The following AKAP6 variants were observed in gnomAD, a reference collection of about 807,000 sequenced individuals.
AKAP6 encodes A-kinase anchor protein 6.
AKAP6 carries 58 observed loss-of-function variants against 188.5 expected under a neutral mutation model. That is an observed-to-expected ratio of 0.31 (90% confidence interval 0.25 to 0.38). The LOEUF (loss-of-function observed/expected upper bound fraction) is 0.38, where lower values mean the gene tolerates loss of function less well. Among genes scored for constraint, AKAP6 ranks in the 10% least tolerant of loss-of-function variants. AKAP6 has a pLI of 1.00. For synonymous variants in AKAP6, 989 were observed against 998.6 expected (o/e 0.99, Z 0.18); for missense variants, 2,710 against 2,740.0 (o/e 0.99, Z 0.24).
At chr14:32,815,484 G>T (rs938215974) in intron 12 of AKAP6, among the ~76,000 whole-genome samples, 3 of 152,260 alleles carry the variant, frequency 2.0e-5, no homozygotes, top group African/African-American at 7.2e-5. Flanking sequence ...TGAGCTATGG[G>T]CCTTGCTGAG....
At chr14:32,396,878 G>A (rs1052614918) in intron 1 of AKAP6, among the ~76,000 whole-genome samples, 2 of 152,162 alleles carry the variant, frequency 1.3e-5, no homozygotes, top group Admixed American at 1.3e-4. Flanking sequence ...CACTTTTTAA[G>A]CTAGTTTGAT....
In AKAP6 at chr14:32,789,332, A is replaced by C. The variant is rs76964685; in HGVS notation, c.3588+15439A>C. 6.5e-3 allele frequency among the ~76,000 whole-genome samples: 991 copies of C among 152,340 alleles called. 1 individual carries two copies. Among genetic ancestry groups the C allele is most frequent in the Non-Finnish European group, 9.6e-3 (655 of 68,042 alleles). On this transcript the variant is annotated intron_variant, in intron 12 of 13. Transcript: ENST00000280979. The stretch of plus-strand genomic sequence containing the variant: ...GAGAATACAAACTGTCTGGACGCGG[A>C]AGGGTCTCTCCCAACGCAACACACC...
chr14:32,714,033 C>A (rs945989548), intron 9 of AKAP6, among the ~76,000 whole-genome samples: 5 of 151,936 alleles, frequency 3.3e-5, no homozygotes, highest in Non-Finnish European at 7.4e-5. Context: ...TACTTAGAGG[C>A]CATTGTAGGA....
intron 13 of AKAP6, among the ~76,000 whole-genome samples, chr14:32,827,715 T>C (rs2034709205): frequency 6.6e-6 from 1 of 152,244 alleles, no homozygotes; most frequent in South Asian, 2.1e-4. Context: ...AAGCACATAA[T>C]GTATGTCTGG....
At chr14:32,521,419 A>T (rs2139060665) in intron 2 of AKAP6, among the ~76,000 whole-genome samples, 1 of 152,292 alleles carries the variant, frequency 6.6e-6, no homozygotes, top group African/African-American at 2.4e-5. Flanking sequence ...AGATGACATG[A>T]TTTTATATTT....
chr14:32,337,955 G>A (rs1019972055), intron 1 of AKAP6, among the ~76,000 whole-genome samples: 11 of 152,088 alleles, frequency 7.2e-5, no homozygotes, highest in Admixed American at 2.0e-4. Flanking sequence ...AGAAGGTCCA[G>A]GCTACATTGA....
chr14:32,383,333 G>T (rs2138559279), intron 1 of AKAP6, among the ~76,000 whole-genome samples: 1 of 152,144 alleles, frequency 6.6e-6, no homozygotes, highest in East Asian at 1.9e-4. Context: ...AACAAGACAG[G>T]ACTGTACCTG....
At chr14:32,368,885 A>C (rs1214310733) in intron 1 of AKAP6, among the ~76,000 whole-genome samples, 2 of 151,784 alleles carry the variant, frequency 1.3e-5, no homozygotes, top group Non-Finnish European at 2.9e-5. Context: ...AGAAGAAAAA[A>C]AAAACAAAAA....
rs374869530 is a variant in AKAP6, at chr14:32,555,595, C to T, written c.2346+8596C>T. 2.6e-5 allele frequency among the ~76,000 whole-genome samples: 4 copies of T among 152,240 alleles called. No individual in the cohort carries two copies. In the East Asian group the frequency reaches 7.7e-4, roughly 29 times the overall value. ...CTCTATACCCATTAAATAACAACTC[C>T]CCTTTCCCTCTCCCTGCTGTCCTCG... is the stretch of plus-strand genomic sequence containing the variant. On this transcript the variant is annotated intron_variant, in intron 4 of 13. Transcript: ENST00000280979.
intron 12 of AKAP6, among the ~76,000 whole-genome samples, chr14:32,784,334 T>G (rs1318413984): frequency 6.6e-6 from 1 of 152,182 alleles, no homozygotes; most frequent in African/African-American, 2.4e-5. Context: ...AGGACACTTT[T>G]CCAGCAGTGA....
At chr14:32,607,453 C>T (rs7157533) in intron 7 of AKAP6, among the ~76,000 whole-genome samples, 96,187 of 152,012 alleles carry the variant, frequency 0.63, 31,518 homozygotes, top group East Asian at 0.94. Flanking sequence ...TCTAGTAAGA[C>T]TAAATTGTGC....
chr14:32,510,424 A>ATGTGTG (rs1566546602), intron 2 of AKAP6, among the ~76,000 whole-genome samples: 1 of 83,704 alleles, frequency 1.2e-5, no homozygotes, highest in Non-Finnish European at 2.3e-5. Context: ...GTATATATAT[A>ATGTGTG]CATATATATA....
At chr14:32,345,265 G>A (rs1887031499) in intron 1 of AKAP6, among the ~76,000 whole-genome samples, 1 of 152,170 alleles carries the variant, frequency 6.6e-6, no homozygotes, top group African/African-American at 2.4e-5. Context: ...GTGTTAAAAT[G>A]CTGTATCTAG....
intron 12 of AKAP6, among the ~76,000 whole-genome samples, chr14:32,817,503 G>C (rs1460517937): frequency 2.8e-4 from 42 of 151,696 alleles, no homozygotes; most frequent in Non-Finnish European, 4.9e-4. Context: ...GTGTGTGTGT[G>C]TGTGTGTGTG....
At chr14:32,711,133 A>G (rs1212873732) in intron 9 of AKAP6, among the ~76,000 whole-genome samples, 1 of 152,094 alleles carries the variant, frequency 6.6e-6, no homozygotes, top group Non-Finnish European at 1.5e-5. Flanking sequence ...TCAATTTTCT[A>G]TCTGCTATAT....
At chr14:32,748,764 G>A (rs962250935) in intron 11 of AKAP6, among the ~76,000 whole-genome samples, 2 of 152,164 alleles carry the variant, frequency 1.3e-5, no homozygotes, top group Non-Finnish European at 2.9e-5. Context: ...TAAAAACCAA[G>A]TCCCAGATTA....
intron 11 of AKAP6, among the ~76,000 whole-genome samples, chr14:32,743,051 TAGTATTG>T (rs1185376813): frequency 2.1e-4 from 32 of 152,252 alleles, no homozygotes; most frequent in African/African-American, 7.0e-4. Flanking sequence ...CTGGGTACTC[TAGTATTG>T]AGTGCATACA....
Position 32,499,087 on chromosome 14 carries a change from G to T in AKAP6, c.325-36467G>T, listed in dbSNP as rs149971009. On this transcript the variant is annotated intron_variant, in intron 2 of 13. Transcript: ENST00000280979. ...TGAACAAATAAATGAATGAATATTT[G>T]CCCCTGGTACCATGGAGGATATAGG... Among the ~76,000 whole-genome samples, 632 of 151,974 alleles carry T rather than the reference G, an allele frequency of 4.2e-3. 4 individuals are homozygous for T. Among genetic ancestry groups the T allele is most frequent in the South Asian group, 0.031 (149 of 4,824 alleles).
intron 1 of AKAP6, among the ~76,000 whole-genome samples, chr14:32,398,787 TC>T: frequency 6.8e-5 from 1 of 14,718 alleles, no homozygotes; most frequent in South Asian, 2.7e-3. Context: ...CTTTTCTCTC[TC>T]TCTCTCTCTC....
Sources: gnomAD v4.1 joint callset for allele counts (sites outside exome capture counted in the v4.1 genomes callset) on GRCh38, gnomAD v4.1.1 for gene constraint, MANE v1.5 for transcripts, NCBI Gene and HGNC (gene_info 2026-07-23, HGNC 2026-07-21) for gene names.